Variants in ADAMTS6 observed in about 807,000 individuals in gnomAD.
ADAMTS6 encodes the protein ADAM metallopeptidase with thrombospondin type 1 motif 6.
ADAMTS6 carries 23 observed loss-of-function variants against 144.3 expected under a neutral mutation model. That is an observed-to-expected ratio of 0.16 (90% CI 0.11 to 0.23). The LOEUF (loss-of-function observed/expected upper bound fraction) is 0.23. Among genes scored for constraint, ADAMTS6 ranks in the 10% least tolerant of loss-of-function variants. The pLI, the probability that ADAMTS6 is intolerant of heterozygous loss-of-function variation, is 1.00. For synonymous variants in ADAMTS6, 444 were observed against 457.5 expected, an observed-to-expected ratio of 0.97 and a Z score of 0.38; for missense variants, 999 against 1,379.6, an observed-to-expected ratio of 0.72 and a Z score of 4.37.
intron 4 of ADAMTS6, among the ~76,000 whole-genome samples, chr5:65,455,299 T>C (rs563049833): frequency 5.0e-4 from 76 of 152,320 alleles, no homozygotes; most frequent in African/African-American, 1.8e-3. Context: ...TCCCAACACT[T>C]TGGGAGCCTG....
At chr5:65,181,434 A>G (rs1754345127) in intron 22 of ADAMTS6, among the ~76,000 whole-genome samples, 1 of 152,240 alleles carries the variant, frequency 6.6e-6, no homozygotes, top group Non-Finnish European at 1.5e-5. Context: ...CAAAAACACT[A>G]CTATACTACT....
At chr5:65,454,103 A>C (rs998998841) in intron 4 of ADAMTS6, among the ~76,000 whole-genome samples, 1 of 152,184 alleles carries the variant, frequency 6.6e-6, no homozygotes, top group Admixed American at 6.5e-5. Flanking sequence ...TAATGAGTTC[A>C]GGCCCAACTT....
In ADAMTS6 at chr5:65,214,185, C is replaced by T; in HGVS notation, c.2575+609G>A. The T allele has an allele frequency of 1.1e-5, 2 of 175,788 alleles. No homozygotes were observed. The allele number at this position is 175,788 out of a possible 1,614,324, so 10.9% of individuals were successfully genotyped here. A position where few individuals can be genotyped will look rare whatever the true frequency, so the allele number is the denominator to read the frequency against. On this transcript the variant is annotated intron_variant, in intron 20 of 24. Coordinates refer to ENST00000381055, the MANE Select transcript of ADAMTS6 (RefSeq NM_197941.4). The surrounding 1 kb of genome is among the most constrained non-coding windows in gnomAD (Gnocchi z 4.6). ...GTAGGGAAAAGGCACCCATGAAAAA[C>T]GCACATGGGACAACCAACACATCAC... is the stretch of plus-strand genomic sequence containing the variant.
intron 11 of ADAMTS6, among the ~76,000 whole-genome samples, chr5:65,282,351 T>C (rs1029051668): frequency 6.6e-6 from 1 of 152,098 alleles, no homozygotes; most frequent in Non-Finnish European, 1.5e-5. Context: ...GAAGAGAATG[T>C]CTGGGTTAGG....
At chr5:65,180,933 C>G (rs962721475) in intron 22 of ADAMTS6, among the ~76,000 whole-genome samples, 1 of 152,148 alleles carries the variant, frequency 6.6e-6, no homozygotes, top group African/African-American at 2.4e-5. Flanking sequence ...ACTACTGCCA[C>G]TAATAGCATC....
chr5:65,355,337 T>C (rs1749223236), intron 7 of ADAMTS6, among the ~76,000 whole-genome samples: 1 of 151,814 alleles, frequency 6.6e-6, no homozygotes, highest in Non-Finnish European at 1.5e-5. Flanking sequence ...AATAACAAAT[T>C]AGTTGGAAAA....
At chr5:65,437,857 G>A (rs531369667) in intron 7 of ADAMTS6, among the ~76,000 whole-genome samples, 8 of 152,082 alleles carry the variant, frequency 5.3e-5, no homozygotes, top group Non-Finnish European at 8.8e-5. Flanking sequence ...TTCGATCCAC[G>A]ATTGGTTGAA....
At chr5:65,393,729 G>A (rs1753106978) in intron 7 of ADAMTS6, among the ~76,000 whole-genome samples, 1 of 152,280 alleles carries the variant, frequency 6.6e-6, no homozygotes, top group South Asian at 2.1e-4. Context: ...ATATTTAGGA[G>A]CCTATCTTTT....
At chr5:65,438,254 G>A (rs925830499) in intron 7 of ADAMTS6, among the ~76,000 whole-genome samples, 21 of 152,180 alleles carry the variant, frequency 1.4e-4, no homozygotes, top group Admixed American at 3.9e-4. Flanking sequence ...CTGGCCAGGC[G>A]TGGTGGCTCA....
At chr5:65,437,890 A>T (rs1757565209) in intron 7 of ADAMTS6, among the ~76,000 whole-genome samples, 1 of 152,220 alleles carries the variant, frequency 6.6e-6, no homozygotes, top group Admixed American at 6.5e-5. Context: ...GAACTTGTGA[A>T]TCTAAAGGGC....
chr5:65,335,321 A>G (rs1747198990), intron 7 of ADAMTS6, among the ~76,000 whole-genome samples: 1 of 152,042 alleles, frequency 6.6e-6, no homozygotes, highest in Non-Finnish European at 1.5e-5. Flanking sequence ...TTCTTTTGTA[A>G]TTGGTAAGCC....
chr5:65,196,127 T>C (rs1481179469), intron 21 of ADAMTS6, among the ~76,000 whole-genome samples: 1 of 152,202 alleles, frequency 6.6e-6, no homozygotes, highest in Non-Finnish European at 1.5e-5. Context: ...TATACCTCTA[T>C]GCCTGTACCC....
At chr5:65,410,619 G>C (rs1307503050) in intron 7 of ADAMTS6, among the ~76,000 whole-genome samples, 1 of 151,946 alleles carries the variant, frequency 6.6e-6, no homozygotes, top group Non-Finnish European at 1.5e-5. Context: ...TGATGTACAA[G>C]AGATCTCATG....
intron 3 of ADAMTS6, among the ~76,000 whole-genome samples, 161 bp downstream of exon 3, chr5:65,470,617 A>G (rs1256196157): frequency 6.6e-6 from 1 of 152,056 alleles, no homozygotes. Context: ...AAAGAAAATC[A>G]AAATCAAAGG....
chr5:65,277,380 T>C (rs1439454437), intron 11 of ADAMTS6, among the ~76,000 whole-genome samples: 1 of 152,196 alleles, frequency 6.6e-6, no homozygotes, highest in African/African-American at 2.4e-5. Flanking sequence ...TATTGCTCTA[T>C]GATAAAGTTT....
chr5:65,189,438 T>C (rs896096522), intron 21 of ADAMTS6, among the ~76,000 whole-genome samples: 2 of 152,196 alleles, frequency 1.3e-5, no homozygotes, highest in African/African-American at 4.8e-5. Context: ...CTGGGTTCCC[T>C]GTCAAGTGAA....
chr5:65,256,544 C>T (rs1425473791), intron 14 of ADAMTS6: 1 of 152,024 alleles, frequency 6.6e-6, no homozygotes, highest in Non-Finnish European at 1.5e-5. Flanking sequence ...ACTGTATCTC[C>T]TTATAATCTG....
chr5:65,405,021 G>C (rs1216338604), intron 7 of ADAMTS6, among the ~76,000 whole-genome samples: 1 of 152,262 alleles, frequency 6.6e-6, no homozygotes, highest in East Asian at 1.9e-4. Context: ...ATTTGTTTGA[G>C]TTCATTGTAG....
intron 7 of ADAMTS6, among the ~76,000 whole-genome samples, chr5:65,430,132 G>A (rs1355289138): frequency 6.7e-6 from 1 of 148,484 alleles, no homozygotes; most frequent in Non-Finnish European, 1.5e-5. Context: ...TGAAGGCGAA[G>A]TTAATTTAAA....
Sources: allele counts gnomAD v4.1 joint callset (sites outside exome capture counted in the v4.1 genomes callset), GRCh38; gene constraint gnomAD v4.1.1; non-coding constraint Gnocchi (gnomAD v3.1); transcripts MANE v1.5; gene names NCBI Gene and HGNC (gene_info 2026-07-23, HGNC 2026-07-21).